NDRG4: variants seen among roughly 807,000 people sequenced by gnomAD.
The protein encoded by NDRG4 is NDRG family member 4.
A neutral mutation model predicts 55.8 loss-of-function variants in NDRG4; 38 were observed. The ratio of observed to expected loss-of-function variants is 0.68; its 90% CI spans 0.53 to 0.89. The LOEUF is 0.89. NDRG4 is among the 40% of genes least tolerant of loss of function. NDRG4 has a pLI of 0.00. For missense variants in NDRG4, 455 were observed against 468.6 expected (o/e 0.97, Z 0.27); for synonymous variants, 190 against 182.7 (o/e 1.04, Z -0.32).
chr16:58,492,489 C>CGTGTGTGT (rs58901035), intron 2 of NDRG4, among the ~76,000 whole-genome samples: 6 of 124,042 alleles, frequency 4.8e-5, no homozygotes, highest in East Asian at 2.5e-4. Flanking sequence ...TCTGCTCCAC[C>CGTGTGTGT]GTGTGTGTGT....
At chr16:58,514,997 A>T (rs566938486), downstream of NDRG4, among the ~76,000 whole-genome samples, 2 of 152,202 alleles carry the variant, frequency 1.3e-5, no homozygotes, top group Non-Finnish European at 2.9e-5. Flanking sequence ...AAAAACGAGG[A>T]TGTACTGGCA....
upstream of NDRG4, among the ~76,000 whole-genome samples, chr16:58,496,684 C>T (rs1433924754): frequency 6.6e-6 from 1 of 152,134 alleles, no homozygotes; most frequent in Non-Finnish European, 1.5e-5. Context: ...AGACAGGCAG[C>T]ACGGACCTCC....
chr16:58,475,590 T>G, intron 1 of NDRG4: 1 of 455,520 alleles, frequency 2.2e-6, no homozygotes, highest in South Asian at 1.6e-5. Flanking sequence ...GATAAAAGTA[T>G]TTTTTTCTCT....
intron 13 of NDRG4, among the ~76,000 whole-genome samples, chr16:58,510,292 C>T (rs568988150): frequency 6.6e-6 from 1 of 152,242 alleles, no homozygotes; most frequent in Non-Finnish European, 1.5e-5. Context: ...GACGCGTTCT[C>T]AGGGTCCTGG....
chr16:58,466,372 C>T (rs569384593), intron 1 of NDRG4, among the ~76,000 whole-genome samples: 89 of 152,304 alleles, frequency 5.8e-4, no homozygotes, highest in South Asian at 1.2e-3. Context: ...TTCCTCTCTT[C>T]CCCAACTCTT....
rs1361384190 is a variant in NDRG4, at chr16:58,509,301, C to T, written c.814C>T (p.Pro272Ser). 6.2e-7 allele frequency: 1 copy of T among 1,613,962 alleles called. No homozygotes were observed. The highest frequency in any genetic ancestry group is 8.5e-7 in the Non-Finnish European group (1 of 1,180,006). The change falls in exon 13 of 15, where the codon CCA becomes TCA. Residue 272 changes from proline (P) to serine (S), a missense_variant and splice_region_variant. Pro to Ser is a moderately conservative substitution (Grantham distance 74). Transcript: ENST00000570248. Reference protein sequence around the residue: ...DSGGLPQVTQPGKLTEAFKYF... With the variant: ...DSGGLPQVTQSGKLTEAFKYF... ...CATGTGCTTGTCCTGCCCTCCGCAG[C>T]CAGGGAAGCTGACTGAAGCCTTCAA...
rs1349009260 is a variant in NDRG4 at position 58,484,358 on chromosome 16, G to GTC, written c.-23-3397_-23-3396insCT. On this transcript the variant is annotated intron_variant, in intron 1 of 15. Transcript: ENST00000258187. ...ACTGCACTCCAGCCTGGGCGACAGA[G>GTC]TAAGAATCCGTCTAAAAAAAAATTT... is the stretch of plus-strand genomic sequence containing the variant. 2.0e-5 allele frequency among the ~76,000 whole-genome samples: 3 copies of GTC among 152,220 alleles called. No individual in the cohort carries two copies. The East Asian group carries it at 5.8e-4, about 29-fold the overall frequency.
At chr16:58,475,492 A>G (rs1233963287) in intron 1 of NDRG4, 1 of 389,026 alleles carries the variant, frequency 2.6e-6, no homozygotes, top group East Asian at 7.2e-5. Flanking sequence ...TTCCTTTAGC[A>G]CGATAGGGTG....
rs571952626 is a variant in NDRG4, at chr16:58,464,511, G to A, written c.-24+714G>A. The A allele has an allele frequency of 4.3e-4, 556 of 1,299,514 alleles. 9 individuals carry two copies. The South Asian group carries it at 0.012, about 28-fold the overall frequency. The allele number at this position is 1,299,514 out of a possible 1,614,324, so 80.5% of individuals were successfully genotyped here. A position where few individuals can be genotyped will look rare whatever the true frequency, so the allele number is the denominator to read the frequency against. On this transcript the variant is annotated intron_variant, in intron 1 of 15. Transcript: ENST00000258187. This position sits in a 1 kb window ranked among gnomAD's most constrained non-coding sequence, Gnocchi z 4.8. ...GCAGCCGGCCGCCACTTTCCGAGTT[G>A]GAGCGGACTCCGGGCGCGGCGGCCG...
chr16:58,514,539 C>A (rs533367697), downstream of NDRG4, among the ~76,000 whole-genome samples: 24 of 152,022 alleles, frequency 1.6e-4, no homozygotes, highest in African/African-American at 2.2e-4. Flanking sequence ...GAGTTCGAGA[C>A]CAGCCTGGGC....
chr16:58,468,375 T>C (rs12595986), intron 1 of NDRG4, among the ~76,000 whole-genome samples: 29,863 of 152,200 alleles, frequency 0.2, 3,535 homozygotes, highest in East Asian at 0.28. Context: ...GGGCAAATTG[T>C]TACCTTCTTT....
rs1246584930 is a variant in NDRG4, at chr16:58,504,808, TTTTCCTC to T, written c.372+160_372+166del. On this transcript the variant is annotated intron_variant, in intron 5 of 14. Coordinates refer to ENST00000570248, the MANE Select transcript of NDRG4 (RefSeq NM_001242835.2). ...TTATGTAGAAAACCTCTTTTTTCTT[TTTTCCTC>T]CAGGGAAATTAACTTTTTTAAAAAA... The T allele has an allele frequency of 4.3e-6, 3 of 703,310 alleles. No individual in the cohort carries two copies. In the East Asian group the frequency reaches 8.3e-5, roughly 20 times the overall value. 43.6% of individuals were successfully genotyped at this position (703,310 alleles called of 1,614,324 possible).
At position 58,505,652 on chromosome 16, in the gene NDRG4, G is replaced by A. The variant is rs116690981; in HGVS notation, c.373-735G>A. Among the ~76,000 whole-genome samples, 531 of 149,932 alleles carry A rather than the reference G, an allele frequency of 3.5e-3. 1 individual carries two copies. Among genetic ancestry groups the A allele is most frequent in the African/African-American group, 0.012 (478 of 40,892 alleles). ...AAAATACCTCTTTTGCAATGCCTAC[G>A]GCAAAACAGACTTTGAAAAGGTTGT... On this transcript the variant is annotated intron_variant, in intron 5 of 14. Transcript: ENST00000570248.
At chr16:58,504,560 C>A in intron 4 of NDRG4, 29 bp from the exon 5 acceptor site, 1 of 1,614,070 alleles carries the variant, frequency 6.2e-7, no homozygotes, top group Non-Finnish European at 8.5e-7. Context: ...CACCCCTAGC[C>A]CTAGAGTGAC....
intron 2 of NDRG4, among the ~76,000 whole-genome samples, chr16:58,494,260 C>T (rs1597218095): frequency 6.6e-6 from 1 of 152,306 alleles, no homozygotes; most frequent in African/African-American, 2.4e-5. Flanking sequence ...AGGCACAAAG[C>T]GACCAGGTCT....
intron 1 of NDRG4, among the ~76,000 whole-genome samples, chr16:58,483,116 C>G (rs947246929): frequency 6.6e-6 from 1 of 152,150 alleles, no homozygotes; most frequent in African/African-American, 2.4e-5. Context: ...CCCCCACCAT[C>G]TCCTACCACT....
At chr16:58,465,081 G>C in intron 1 of NDRG4, 1 of 1,284,800 alleles carries the variant, frequency 7.8e-7, no homozygotes, top group Non-Finnish European at 1.0e-6. Flanking sequence ...GGTGGGAAAG[G>C]GAGCAGGGAC....
In NDRG4 at chr16:58,464,566, A is replaced by T; in HGVS notation, c.-24+769A>T. 3 of 1,138,210 alleles carry T rather than the reference A, an allele frequency of 2.6e-6. No individual in the cohort carries two copies. The South Asian group carries it at 8.4e-5, about 32-fold the overall frequency. The allele number at this position is 1,138,210 out of a possible 1,614,324, so 70.5% of individuals were successfully genotyped here. ...CTGGGGCGGCTCGGGTCTGAGCAGG[A>T]AGGGGTGCGGACCCCAACTAAGTCC... is the stretch of plus-strand genomic sequence containing the variant. On this transcript the variant is annotated intron_variant, in intron 1 of 15. Coordinates refer to the NDRG4 transcript ENST00000258187. The surrounding 1 kb of genome is among the most constrained non-coding windows in gnomAD (Gnocchi z 4.8).
intron 2 of NDRG4, among the ~76,000 whole-genome samples, chr16:58,488,409 T>C (rs1449749077): frequency 6.6e-6 from 1 of 152,184 alleles, no homozygotes; most frequent in East Asian, 1.9e-4. Flanking sequence ...CATGCCACCC[T>C]TTTTTGTTGT....
Sources: gnomAD v4.1 joint callset for allele counts (sites outside exome capture counted in the v4.1 genomes callset) on GRCh38, gnomAD v4.1.1 for gene constraint, Gnocchi (gnomAD v3.1) non-coding constraint, MANE v1.5 for transcripts, NCBI Gene and HGNC (gene_info 2026-07-23, HGNC 2026-07-21) for gene names.